Variants in CNTNAP2 observed in about 807,000 individuals in gnomAD.
CNTNAP2 encodes the protein contactin-associated protein-like 2.
Under a neutral mutation model 155.2 loss-of-function variants are expected in CNTNAP2, and 98 were observed. The observed-to-expected ratio is 0.63, with a 90% CI of 0.54 to 0.75. CNTNAP2 has a LOEUF of 0.75. Ranked by LOEUF, CNTNAP2 falls within the 30% of genes least tolerant of loss-of-function variation. The probability of loss-of-function intolerance (pLI) is 0.00; values close to 1 mark genes in which losing one functional copy is unlikely to be tolerated. For missense variants in CNTNAP2, 1,727 were observed against 1,688.1 expected, an observed-to-expected ratio of 1.02 and a Z score of -0.40; for synonymous variants, 651 against 631.2, an observed-to-expected ratio of 1.03 and a Z score of -0.47.
intron 21 of CNTNAP2, among the ~76,000 whole-genome samples, chr7:148,364,679 G>T (rs1798701056): frequency 6.6e-6 from 1 of 152,186 alleles, no homozygotes; most frequent in African/African-American, 2.4e-5. Context: ...TTTGTATCTA[G>T]CTCAGGGATT....
chr7:147,654,816 T>C (rs1795501700), intron 13 of CNTNAP2, among the ~76,000 whole-genome samples: 1 of 135,770 alleles, frequency 7.4e-6, no homozygotes, highest in Non-Finnish European at 1.6e-5. Flanking sequence ...TTCTTTTTTT[T>C]TTTTTTTTTT....
chr7:146,301,776 G>A (rs542015452), intron 1 of CNTNAP2, among the ~76,000 whole-genome samples: 1 of 152,262 alleles, frequency 6.6e-6, no homozygotes, highest in African/African-American at 2.4e-5. Context: ...TTTTCTGGAA[G>A]GAGCAAACAT....
At chr7:146,301,793 G>A (rs796933191) in intron 1 of CNTNAP2, among the ~76,000 whole-genome samples, 12 of 152,218 alleles carry the variant, frequency 7.9e-5, no homozygotes, top group African/African-American at 2.9e-4. Flanking sequence ...ACATAAACAC[G>A]GGAGGGACAG....
chr7:146,927,330 T>C (rs1189826566), intron 3 of CNTNAP2, among the ~76,000 whole-genome samples: 8 of 152,158 alleles, frequency 5.3e-5, no homozygotes, highest in Admixed American at 5.2e-4. Context: ...AGGTTGGTTT[T>C]GCTTACCATC....
intron 8 of CNTNAP2, among the ~76,000 whole-genome samples, chr7:147,139,702 G>C (rs1801557077): frequency 6.6e-6 from 1 of 152,034 alleles, no homozygotes; most frequent in African/African-American, 2.4e-5. Context: ...AGCCTTCTTG[G>C]GGGAGGGATT....
chr7:146,156,523 A>G (rs1457331345), intron 1 of CNTNAP2, among the ~76,000 whole-genome samples: 2 of 152,238 alleles, frequency 1.3e-5, no homozygotes, highest in Non-Finnish European at 2.9e-5. Context: ...TAATTTATGT[A>G]AAATAGTGGT....
At chr7:148,403,629 T>G (rs1799636270) in intron 22 of CNTNAP2, among the ~76,000 whole-genome samples, 1 of 152,214 alleles carries the variant, frequency 6.6e-6, no homozygotes, top group Non-Finnish European at 1.5e-5. Flanking sequence ...AGCAGTAGAA[T>G]AGGTGAGCTT....
intron 13 of CNTNAP2, among the ~76,000 whole-genome samples, chr7:147,776,828 T>G (rs1019642829): frequency 1.3e-5 from 2 of 152,040 alleles, no homozygotes; most frequent in African/African-American, 4.8e-5. Context: ...AGTCATTTGT[T>G]TCTTTCTTTA....
chr7:147,715,189 G>A (rs957235805), intron 13 of CNTNAP2, among the ~76,000 whole-genome samples: 3 of 152,024 alleles, frequency 2.0e-5, no homozygotes, highest in Non-Finnish European at 4.4e-5. Context: ...TAGGACAAAT[G>A]TCCACATGTA....
intron 1 of CNTNAP2, among the ~76,000 whole-genome samples, chr7:146,269,891 T>C (rs755508384): frequency 2.6e-5 from 4 of 152,216 alleles, no homozygotes; most frequent in Non-Finnish European, 5.9e-5. Context: ...CTTAGGGAAG[T>C]CAAGTCCATC....
intron 3 of CNTNAP2, among the ~76,000 whole-genome samples, chr7:146,966,940 T>C (rs1196643113): frequency 6.6e-6 from 1 of 152,168 alleles, no homozygotes; most frequent in East Asian, 1.9e-4. Flanking sequence ...CAAATTGTAA[T>C]TTCTTGGAGG....
rs1937567521 is a variant in CNTNAP2 at position 147,257,837 on chromosome 7, T to C, written c.1349-42304T>C. Among the ~76,000 whole-genome samples the C allele has an allele frequency of 2.6e-5, 4 of 152,152 alleles. No homozygotes were observed. The South Asian group carries it at 8.3e-4, about 32-fold the overall frequency. ...ATGGAACTTGGGAAAATGTAATAGG[T>C]TGAGTGACTAGATCGATAGTGGAGG... On this transcript the variant is annotated intron_variant, in intron 8 of 23. Coordinates refer to ENST00000361727, the MANE Select transcript of CNTNAP2 (RefSeq NM_014141.6).
In CNTNAP2 at chr7:148,377,634, G is replaced by A. The variant is rs1171005526; in HGVS notation, c.3476-6015G>A. ...TCTTTCCTGGTTATGTTCTGCACCT[G>A]TTTACACTATGAAGCTGAAAAACAA... is the stretch of plus-strand genomic sequence containing the variant. On this transcript the variant is annotated intron_variant, in intron 21 of 23. Coordinates refer to ENST00000361727, the MANE Select transcript of CNTNAP2 (RefSeq NM_014141.6). Among the ~76,000 whole-genome samples, 2 of 66,774 alleles carry A rather than the reference G, an allele frequency of 3.0e-5. 1 individual carries two copies. Among genetic ancestry groups the A allele is most frequent in the Non-Finnish European group, 8.4e-5 (2 of 23,896 alleles). 43.8% of individuals were successfully genotyped at this position (66,774 alleles called of 152,430 possible).
chr7:147,307,596 C>CA (rs1025692741), intron 9 of CNTNAP2, among the ~76,000 whole-genome samples: 1 of 151,688 alleles, frequency 6.6e-6, no homozygotes, highest in African/African-American at 2.4e-5. Flanking sequence ...ACCTGCCCCC[C>CA]CAAAAAAGGA....
At chr7:148,095,278 C>T (rs1803940140) in intron 15 of CNTNAP2, among the ~76,000 whole-genome samples, 2 of 152,264 alleles carry the variant, frequency 1.3e-5, no homozygotes, top group South Asian at 4.1e-4. Flanking sequence ...GTGGGGCTTG[C>T]CAAGCTACTC....
At chr7:147,283,337 G>T (rs1242741178) in intron 8 of CNTNAP2, among the ~76,000 whole-genome samples, 1 of 151,492 alleles carries the variant, frequency 6.6e-6, no homozygotes, top group African/African-American at 2.4e-5. Context: ...AAAAAAAACT[G>T]AACATACCTA....
chr7:147,782,400 A>G (rs1395464072), intron 13 of CNTNAP2, among the ~76,000 whole-genome samples: 2 of 152,186 alleles, frequency 1.3e-5, no homozygotes, highest in Non-Finnish European at 2.9e-5. Context: ...ACAACAAAAT[A>G]CCTTAAAATG....
intron 16 of CNTNAP2, among the ~76,000 whole-genome samples, chr7:148,120,007 C>G (rs1804566485): frequency 6.6e-6 from 1 of 151,644 alleles, no homozygotes; most frequent in East Asian, 1.9e-4. Context: ...AATTAACTAA[C>G]TGAATCAAAC....
chr7:147,225,806 AGAAAGAAGGAAAGAAGGAAAGAAGGAAG>A (rs1803516220), intron 8 of CNTNAP2, among the ~76,000 whole-genome samples: 1 of 108,280 alleles, frequency 9.2e-6, no homozygotes, highest in Non-Finnish European at 2.0e-5. Flanking sequence ...AAGGAAAGAA[AGAAAGAAGGAAAGAAGGAAAGAAGGAAG>A]GAAGGAGGGA....
Sources: gnomAD v4.1 joint callset for allele counts (sites outside exome capture counted in the v4.1 genomes callset) on GRCh38, gnomAD v4.1.1 for gene constraint, MANE v1.5 for transcripts, NCBI Gene and HGNC (gene_info 2026-07-23, HGNC 2026-07-21) for gene names.